LRCH3: variants seen among roughly 807,000 people sequenced by gnomAD.
LRCH3 encodes leucine rich repeats and calponin homology domain containing 3.
Under a neutral mutation model 104.5 loss-of-function variants are expected in LRCH3, and 68 were observed. That is an observed-to-expected ratio of 0.65 (90% CI 0.54 to 0.80). The LOEUF (loss-of-function observed/expected upper bound fraction) is 0.80, where lower values mean the gene tolerates loss of function less well. Ranked by LOEUF, LRCH3 falls within the 30% of genes least tolerant of loss-of-function variation. LRCH3 has a pLI of 0.00. For synonymous variants in LRCH3, 344 were observed against 361.3 expected, an observed-to-expected ratio of 0.95 and a Z score of 0.54; for missense variants, 951 against 953.9, an observed-to-expected ratio of 1.00 and a Z score of 0.04.
In LRCH3 at chr3:197,821,280, A is replaced by T. The variant is rs192199586; in HGVS notation, c.640+850A>T. ...GAGAGACTGCGCTAAGAGACGGGTT[A>T]TTTACTTAGGCTGACTACAAGCTCT... On this transcript the variant is annotated intron_variant, in intron 4 of 20. Transcript: ENST00000425562. 3.9e-4 allele frequency among the ~76,000 whole-genome samples: 59 copies of T among 152,290 alleles called. No homozygotes were observed. The East Asian group carries it at 0.011, about 29-fold the overall frequency.
intron 8 of LRCH3, among the ~76,000 whole-genome samples, chr3:197,834,366 A>C (rs191628307): frequency 6.6e-6 from 1 of 152,232 alleles, no homozygotes; most frequent in African/African-American, 2.4e-5. Flanking sequence ...TCCCATCCAT[A>C]AACTATTATA....
At chr3:197,825,615 G>A (rs1160309071) in intron 4 of LRCH3, among the ~76,000 whole-genome samples, 2 of 150,574 alleles carry the variant, frequency 1.3e-5, no homozygotes, top group Non-Finnish European at 3.0e-5. Context: ...GAGTAGCTGG[G>A]ACTACAGGCG....
At chr3:197,825,214 A>G (rs1735011833) in intron 4 of LRCH3, among the ~76,000 whole-genome samples, 1 of 152,110 alleles carries the variant, frequency 6.6e-6, no homozygotes, top group Admixed American at 6.5e-5. Context: ...GGAAGATTTT[A>G]AGATGGTCCC....
Position 197,833,765 on chromosome 3 carries a change from T to C in LRCH3, c.1102+1448T>C, listed in dbSNP as rs570813377. ...GGCTACTAGAAAATTTCAAACGACA[T>C]ATGTGGTTCACCTTCATGGCTTGTG... On this transcript the variant is annotated intron_variant, in intron 8 of 20. Coordinates refer to ENST00000425562, the MANE Select transcript of LRCH3 (RefSeq NM_001365715.1). 6.2e-4 allele frequency among the ~76,000 whole-genome samples: 94 copies of C among 152,304 alleles called. 1 individual carries two copies. Among genetic ancestry groups the C allele is most frequent in the Middle Eastern group, 6.8e-3 (2 of 294 alleles).
chr3:197,841,591 C>T (rs903000797), intron 10 of LRCH3, among the ~76,000 whole-genome samples: 1 of 152,070 alleles, frequency 6.6e-6, no homozygotes, highest in African/African-American at 2.4e-5. Context: ...GGCCAGGGAC[C>T]GAGATCGTGG....
intron 15 of LRCH3, among the ~76,000 whole-genome samples, chr3:197,862,017 C>T (rs114299562): frequency 0.11 from 16,800 of 152,128 alleles, 980 homozygotes; most frequent in African/African-American, 0.14. Context: ...TCCTTTGAGA[C>T]GGACTCTTGC....
At chr3:197,808,347 C>T (rs752045951) in intron 1 of LRCH3, among the ~76,000 whole-genome samples, 26 of 152,214 alleles carry the variant, frequency 1.7e-4, no homozygotes, top group Non-Finnish European at 2.6e-4. Flanking sequence ...ACATTTGTAT[C>T]GTTTCAGCTG....
chr3:197,793,698 T>C (rs902594871), intron 1 of LRCH3, among the ~76,000 whole-genome samples: 5 of 152,222 alleles, frequency 3.3e-5, no homozygotes, highest in African/African-American at 1.2e-4. Context: ...TTTTTAAGTA[T>C]GGTGTTGCCT....
intron 20 of LRCH3, chr3:197,880,965 C>T (rs1713708944): frequency 7.4e-7 from 1 of 1,359,886 alleles, no homozygotes; most frequent in Non-Finnish European, 9.5e-7. Context: ...TTCTCCTGGC[C>T]TGTGGCCTTG....
At chr3:197,838,593 A>G (rs1012984527) in intron 9 of LRCH3, among the ~76,000 whole-genome samples, 1 of 152,202 alleles carries the variant, frequency 6.6e-6, no homozygotes, top group African/African-American at 2.4e-5. Context: ...TTGCTTCTAT[A>G]GGTTTTCCTT....
intron 19 of LRCH3, 141 bp from the exon 20 acceptor site, chr3:197,875,557 G>A (rs1302530885): frequency 3.3e-6 from 2 of 598,490 alleles, no homozygotes; most frequent in Admixed American, 6.0e-5. Context: ...GGGAGGCTGA[G>A]GTGGGAGGAT....
intron 1 of LRCH3, among the ~76,000 whole-genome samples, chr3:197,794,931 G>A (rs886583772): frequency 3.3e-5 from 5 of 152,044 alleles, no homozygotes; most frequent in African/African-American, 1.2e-4. Context: ...CTTGAACCCA[G>A]GAGGCGGAGG....
intron 1 of LRCH3, among the ~76,000 whole-genome samples, chr3:197,800,533 G>GGA (rs1446095441): frequency 6.6e-6 from 1 of 152,168 alleles, no homozygotes; most frequent in Non-Finnish European, 1.5e-5. Context: ...GTGGAGCAGT[G>GGA]GAGACACTCA....
rs1463559913 is a variant in LRCH3 at position 197,880,045 on chromosome 3, C to CA, written c.2209-3496_2209-3495insA. ...ACTGCAAGCTCCGCCTCCCGGGTTC[C>CA]CGCCATTCTCCTGCCTCAGCCTCCC... On this transcript the variant is annotated intron_variant, in intron 20 of 20. Coordinates refer to ENST00000425562, the MANE Select transcript of LRCH3 (RefSeq NM_001365715.1). Among the ~76,000 whole-genome samples, 883 of 148,224 alleles carry CA rather than the reference C, an allele frequency of 6.0e-3. 21 individuals are homozygous for CA. The highest frequency in any genetic ancestry group is 0.021 in the African/African-American group (798 of 38,620).
At chr3:197,866,505 C>T (rs576832118) in intron 17 of LRCH3, among the ~76,000 whole-genome samples, 1 of 152,288 alleles carries the variant, frequency 6.6e-6, no homozygotes. Context: ...TGGTAATGAA[C>T]TCTTTTTCAC....
chr3:197,821,674 C>G (rs1217462199), intron 4 of LRCH3, among the ~76,000 whole-genome samples: 1 of 152,134 alleles, frequency 6.6e-6, no homozygotes, highest in Non-Finnish European at 1.5e-5. Context: ...AGTGTACAAT[C>G]AATATTTTGT....
In LRCH3 at chr3:197,847,422, C is replaced by T. The variant is rs566447960; in HGVS notation, c.1342C>T (p.Pro448Ser). Reference protein sequence around the residue: ...YLHQNRVPAEPSSLLSLSASH... With the variant: ...YLHQNRVPAESSSLLSLSASH... ...TTTTTGGGTCAGGGTTCCAGCTGAG[C>T]CATCTTCCCTCCTGTCACTATCAGC... is the stretch of plus-strand genomic sequence containing the variant. The change falls in exon 11 of 21, where the codon CCA (proline) becomes TCA (serine). Residue 448 changes from proline (P) to serine (S), a missense_variant. Transcript: ENST00000425562. 1.2e-4 allele frequency: 186 copies of T among 1,598,554 alleles called. 2 individuals carry two copies. Among genetic ancestry groups the T allele is most frequent in the Middle Eastern group, 8.3e-4 (5 of 6,020 alleles).
chr3:197,824,630 G>A (rs1224669458), intron 4 of LRCH3, among the ~76,000 whole-genome samples: 4 of 147,814 alleles, frequency 2.7e-5, no homozygotes, highest in African/African-American at 7.6e-5. Flanking sequence ...ACAGTGGCGC[G>A]ATCTCGGCTC....
chr3:197,838,228 TG>T (rs1737184279), intron 9 of LRCH3, among the ~76,000 whole-genome samples: 1 of 152,256 alleles, frequency 6.6e-6, no homozygotes, highest in African/African-American at 2.4e-5. Flanking sequence ...GAGGCCGGCC[TG>T]GGCCACATAG....
Sources: allele counts gnomAD v4.1 joint callset (sites outside exome capture counted in the v4.1 genomes callset), GRCh38; gene constraint gnomAD v4.1.1; transcripts MANE v1.5; gene names NCBI Gene and HGNC (gene_info 2026-07-23, HGNC 2026-07-21).